The following NXPE4 variants were observed in gnomAD, a reference collection of about 807,000 sequenced individuals.
NXPE4 encodes neurexophilin and PC-esterase domain family member 4.
Under a neutral mutation model 33.3 loss-of-function variants are expected in NXPE4, and 42 were observed. The observed-to-expected ratio is 1.26, with a 90% CI of 0.98 to 1.63. NXPE4 has a LOEUF of 1.63. Among genes scored for constraint, NXPE4 ranks in the 40% most tolerant of loss-of-function variants. The pLI is 0.00. For synonymous variants in NXPE4, 253 were observed against 234.9 expected, an observed-to-expected ratio of 1.08 and a Z score of -0.71; for missense variants, 709 against 647.6, an observed-to-expected ratio of 1.09 and a Z score of -1.03.
the NXPE4 span, among the ~76,000 whole-genome samples, chr11:114,663,242 G>A: frequency 6.6e-6 from 1 of 152,152 alleles, no homozygotes; most frequent in Non-Finnish European, 1.5e-5. Flanking sequence ...GGGGAGGACT[G>A]TGTCTTGTGG....
chr11:114,594,635 G>T, intron 2 of NXPE4, 29 bp downstream of exon 2: 1 of 1,435,098 alleles, frequency 7.0e-7, no homozygotes, highest in Non-Finnish European at 9.7e-7. Context: ...ATAAGCTTCT[G>T]TAAACCACAT....
chr11:114,608,565 ATCCACTGATACCCACTGGATAATAATTG>A, the NXPE4 span, among the ~76,000 whole-genome samples: 53 of 151,416 alleles, frequency 3.5e-4, no homozygotes, highest in Non-Finnish European at 6.3e-4. Context: ...CATCGTGTGT[ATCCACTGATACCCACTGGATAATAATTG>A]TTGCCTCTAG....
chr11:114,608,341 G>A, the NXPE4 span, among the ~76,000 whole-genome samples: 1 of 151,632 alleles, frequency 6.6e-6, no homozygotes, highest in Non-Finnish European at 1.5e-5. Context: ...GATAATAAGT[G>A]TTGCCACGTG....
At position 114,595,772 on chromosome 11, in the gene NXPE4, A is replaced by C. The variant is rs1336647153; in HGVS notation, c.-191T>G. On this transcript the variant is annotated 5_prime_UTR_variant, in exon 1 of 6. Transcript: ENST00000375478. ...GGATTCACAACCTTCTGCTTGTTTC[A>C]GCTAAGACAGAAGTGTCAGCCACGT... 6.6e-6 allele frequency: 1 copy of C among 152,276 alleles called. No individual in the cohort carries two copies. Among genetic ancestry groups the C allele is most frequent in the Non-Finnish European group, 1.5e-5 (1 of 68,040 alleles). 9.4% of individuals were successfully genotyped at this position (152,276 alleles called of 1,614,324 possible). A position where few individuals can be genotyped will look rare whatever the true frequency, so the allele number is the denominator to read the frequency against.
At chr11:114,600,669 G>T (rs1565342642), upstream of NXPE4, among the ~76,000 whole-genome samples, 2 of 152,004 alleles carry the variant, frequency 1.3e-5, no homozygotes, top group Admixed American at 1.3e-4. Flanking sequence ...CCTGGATTGG[G>T]TCCTGAAATA....
At chr11:114,653,511 G>C in the NXPE4 span, among the ~76,000 whole-genome samples, 3 of 149,234 alleles carry the variant, frequency 2.0e-5, no homozygotes, top group African/African-American at 7.4e-5. Flanking sequence ...TTCTTGTTAG[G>C]ACTACCCTTG....
the NXPE4 span, among the ~76,000 whole-genome samples, chr11:114,605,703 T>C: frequency 2.6e-5 from 4 of 151,866 alleles, no homozygotes; most frequent in African/African-American, 9.7e-5. Flanking sequence ...CTGTGGATAA[T>C]ACATGTTACC....
the NXPE4 span, among the ~76,000 whole-genome samples, chr11:114,603,642 C>G: frequency 1.3e-5 from 2 of 151,434 alleles, no homozygotes; most frequent in Non-Finnish European, 2.9e-5. Context: ...CTCCTATTAC[C>G]TGGTGGATGG....
upstream of NXPE4, among the ~76,000 whole-genome samples, chr11:114,596,449 A>G (rs1445527056): frequency 2.6e-5 from 4 of 152,142 alleles, no homozygotes; most frequent in Non-Finnish European, 5.9e-5. Context: ...TCATCTTTCC[A>G]TCTTATTTAA....
chr11:114,600,874 T>C, the NXPE4 span, among the ~76,000 whole-genome samples: 11 of 152,074 alleles, frequency 7.2e-5, no homozygotes, highest in African/African-American at 2.7e-4. Flanking sequence ...AATTCAAAAA[T>C]GTATTAAAAG....
the NXPE4 span, among the ~76,000 whole-genome samples, chr11:114,645,409 G>T: frequency 6.6e-6 from 1 of 151,990 alleles, no homozygotes; most frequent in East Asian, 1.9e-4. Context: ...GTGAAAAGGC[G>T]AACTTTAAAA....
chr11:114,653,760 C>G, the NXPE4 span, among the ~76,000 whole-genome samples: 3 of 152,002 alleles, frequency 2.0e-5, no homozygotes, highest in African/African-American at 7.2e-5. Flanking sequence ...GATCTCCTGA[C>G]CTCGTGATCT....
At chr11:114,590,795 T>C (rs1949431853) in intron 2 of NXPE4, among the ~76,000 whole-genome samples, 1 of 152,208 alleles carries the variant, frequency 6.6e-6, no homozygotes. Flanking sequence ...CTGGAGGTCA[T>C]CAAATTAACC....
At chr11:114,630,659 CA>C in the NXPE4 span, among the ~76,000 whole-genome samples, 1 of 150,584 alleles carries the variant, frequency 6.6e-6, no homozygotes, top group African/African-American at 2.4e-5. Context: ...CAACAAAAGC[CA>C]AAATTGACAA....
the NXPE4 span, among the ~76,000 whole-genome samples, chr11:114,623,989 A>T: frequency 0.062 from 9,444 of 152,202 alleles, 362 homozygotes; most frequent in Non-Finnish European, 0.09. Context: ...CCTCGTGGGT[A>T]ACCACTGTTA....
the NXPE4 span, among the ~76,000 whole-genome samples, chr11:114,664,275 T>C: frequency 6.6e-6 from 1 of 152,062 alleles, no homozygotes; most frequent in Non-Finnish European, 1.5e-5. Flanking sequence ...TTATATAACA[T>C]TCTGGAAAAG....
chr11:114,616,485 G>A, the NXPE4 span, among the ~76,000 whole-genome samples: 1 of 151,652 alleles, frequency 6.6e-6, no homozygotes, highest in Non-Finnish European at 1.5e-5. Flanking sequence ...TTGCCTCGAG[G>A]GTAACCACTG....
rs180822317 is a variant in NXPE4 at position 114,577,218 on chromosome 11, C to G, written c.1099+2914G>C. The stretch of plus-strand genomic sequence containing the variant: ...CACACACTGTGGAATACTACTCAGC[C>G]ATGAAAAGGAATGAAAGAATGGCAT... On this transcript the variant is annotated intron_variant, in intron 5 of 5. Coordinates refer to ENST00000375478, the MANE Select transcript of NXPE4 (RefSeq NM_001077639.2). Among the ~76,000 whole-genome samples the G allele has an allele frequency of 8.0e-5, 12 of 149,276 alleles. No homozygotes were observed. In the East Asian group the frequency reaches 2.0e-3, roughly 24 times the overall value.
the NXPE4 span, among the ~76,000 whole-genome samples, chr11:114,632,934 A>G: frequency 6.1e-5 from 6 of 97,700 alleles, no homozygotes; most frequent in Non-Finnish European, 9.0e-5. Context: ...ATTATATAAT[A>G]ATATATATTA....
Sources: allele counts gnomAD v4.1 joint callset (sites outside exome capture counted in the v4.1 genomes callset), GRCh38; gene constraint gnomAD v4.1.1; transcripts MANE v1.5; gene names NCBI Gene and HGNC (gene_info 2026-07-23, HGNC 2026-07-21).